Variants in TNIK observed in about 807,000 individuals in gnomAD.
TNIK encodes the protein TRAF2 and NCK-interacting protein kinase.
In TNIK, 49 loss-of-function variants were observed where a neutral mutation model predicts 191.3. The ratio of observed to expected loss-of-function variants is 0.26; its 90% CI spans 0.20 to 0.32. The LOEUF is 0.32. TNIK is among the 10% of genes least tolerant of loss of function. The pLI is 1.00. For missense variants in TNIK, 1,155 were observed against 1,702.3 expected (o/e 0.68, Z 5.66); for synonymous variants, 594 against 600.9 (o/e 0.99, Z 0.17).
chr3:171,266,569 A>C (rs921525445), intron 2 of TNIK, among the ~76,000 whole-genome samples: 1 of 152,150 alleles, frequency 6.6e-6, no homozygotes, highest in African/African-American at 2.4e-5. Flanking sequence ...TTCAGACCTC[A>C]TTATGTCACT....
chr3:171,201,828 G>C (rs1739452240), intron 4 of TNIK, among the ~76,000 whole-genome samples: 1 of 151,472 alleles, frequency 6.6e-6, no homozygotes, highest in Non-Finnish European at 1.5e-5. Flanking sequence ...ATAAACTCTT[G>C]GCTTCTGAAT....
chr3:171,165,097 G>C (rs1303795599), intron 10 of TNIK, among the ~76,000 whole-genome samples: 1 of 152,064 alleles, frequency 6.6e-6, no homozygotes, highest in Non-Finnish European at 1.5e-5. Flanking sequence ...AGACCAGCCT[G>C]GGCAACATAG....
At chr3:171,335,550 C>T (rs1434169553) in intron 2 of TNIK, among the ~76,000 whole-genome samples, 1 of 152,218 alleles carries the variant, frequency 6.6e-6, no homozygotes, top group Non-Finnish European at 1.5e-5. Flanking sequence ...GCTTCTTTCA[C>T]TTAGCATAAC....
At chr3:171,149,335 T>C (rs1478661026) in intron 12 of TNIK, among the ~76,000 whole-genome samples, 1 of 152,202 alleles carries the variant, frequency 6.6e-6, no homozygotes, top group African/African-American at 2.4e-5. Context: ...ACTCCAGGTT[T>C]TTTTTCAGTA....
intron 2 of TNIK, among the ~76,000 whole-genome samples, chr3:171,263,754 G>A (rs1747982623): frequency 6.6e-6 from 1 of 151,906 alleles, no homozygotes; most frequent in Non-Finnish European, 1.5e-5. Context: ...GAGTATGGGA[G>A]GCCAGCCAGG....
intron 1 of TNIK, among the ~76,000 whole-genome samples, chr3:171,415,143 T>C (rs767717938): frequency 2.0e-5 from 3 of 152,212 alleles, no homozygotes; most frequent in African/African-American, 7.2e-5. Flanking sequence ...TGGTTCTCAG[T>C]GCATGGCCTG....
intron 2 of TNIK, among the ~76,000 whole-genome samples, chr3:171,302,983 T>C (rs574090853): frequency 5.3e-5 from 8 of 152,330 alleles, no homozygotes; most frequent in African/African-American, 1.4e-4. Context: ...ATTCAGATTA[T>C]AATGTGCTTA....
chr3:171,397,408 T>G (rs1437996516), intron 1 of TNIK, among the ~76,000 whole-genome samples: 3 of 152,180 alleles, frequency 2.0e-5, no homozygotes, highest in Non-Finnish European at 4.4e-5. Flanking sequence ...TAACACAGTA[T>G]TTCTGAATGT....
intron 12 of TNIK, among the ~76,000 whole-genome samples, chr3:171,155,740 G>C (rs1317443804): frequency 6.6e-6 from 1 of 152,202 alleles, no homozygotes; most frequent in Admixed American, 6.5e-5. Flanking sequence ...CAGATTCTGT[G>C]CCCTTGCGCA....
rs1723579072 is a variant in TNIK at position 171,101,629 on chromosome 3, A to G, written c.2411T>C (p.Leu804Pro). Reference sequence around the variant, plus strand: ...TCTTAGTTCTTTGGCTAATGCCGTCAGATCCTATGAAAGAAAAATTTGTTC... The same window carrying G: ...TCTTAGTTCTTTGGCTAATGCCGTCGGATCCTATGAAAGAAAAATTTGTTC... ...ASYKKAIDED[L>P]TALAKELREL... Residue 804 changes from leucine (L) to proline (P), a missense_variant, in exon 22 of 33, where the codon CTG becomes CCG. Coordinates refer to ENST00000436636, the MANE Select transcript of TNIK (RefSeq NM_015028.4). 4 of 1,612,296 alleles carry G rather than the reference A, an allele frequency of 2.5e-6. No individual in the cohort carries two copies. Among genetic ancestry groups the G allele is most frequent in the Non-Finnish European group, 3.4e-6 (4 of 1,179,120 alleles).
rs78919157 is a variant in TNIK, at chr3:171,411,773, A to G, written c.58-42088T>C. Among the ~76,000 whole-genome samples the G allele has an allele frequency of 3.7e-3, 566 of 152,372 alleles. 4 individuals carry two copies. Among genetic ancestry groups the G allele is most frequent in the African/African-American group, 0.013 (535 of 41,596 alleles). On this transcript the variant is annotated intron_variant, in intron 1 of 32. Transcript: ENST00000436636. The stretch of plus-strand genomic sequence containing the variant: ...TAAAACTGCTCATTAAAGTCAGGCA[A>G]GGAAGACATAGCTCCCGGAAAGCCC...
At chr3:171,356,004 C>T (rs945808290) in intron 2 of TNIK, among the ~76,000 whole-genome samples, 1 of 152,070 alleles carries the variant, frequency 6.6e-6, no homozygotes, top group Admixed American at 6.6e-5. Flanking sequence ...CTTCCCCCTG[C>T]TTGGAATAGA....
intron 10 of TNIK, among the ~76,000 whole-genome samples, chr3:171,166,879 T>A (rs1342234174): frequency 6.6e-6 from 1 of 152,172 alleles, no homozygotes; most frequent in Admixed American, 6.5e-5. Flanking sequence ...CTGGCAGAGG[T>A]AATGTTTCTT....
chr3:171,219,413 C>T (rs955910428), intron 3 of TNIK, among the ~76,000 whole-genome samples: 8 of 149,924 alleles, frequency 5.3e-5, no homozygotes, highest in African/African-American at 2.0e-4. Context: ...CATAATGCAG[C>T]ACCTACTAGG....
At position 171,107,036 on chromosome 3, in the gene TNIK, T is replaced by C. The variant is rs16855841; in HGVS notation, c.2406+147A>G. The C allele has an allele frequency of 7.4e-3, 5,895 of 791,610 alleles. 135 individuals are homozygous for C. The highest frequency in any genetic ancestry group is 0.045 in the African/African-American group (2,540 of 56,418). 49.0% of individuals were successfully genotyped at this position (791,610 alleles called of 1,614,324 possible). ...TTGAGGGTCTTAAAGTTGGCTTCCA[T>C]TTGAAGGGGCACTCCTCCCAGCAGA... On this transcript the variant is annotated intron_variant, in intron 21 of 32. Transcript: ENST00000436636.
Position 171,190,799 on chromosome 3 carries a change from G to T in TNIK, c.418-12C>A. The T allele has an allele frequency of 6.4e-7, 1 of 1,574,640 alleles. No individual in the cohort carries two copies. Among genetic ancestry groups the T allele is most frequent in the South Asian group, 1.2e-5 (1 of 85,822 alleles). Reference sequence around the variant, plus strand: ...AGGTGACTCAGCCCCTGGAGTGATGGAGAGTTAAGAAGGGTTAATAGGAAC... The same window carrying T: ...AGGTGACTCAGCCCCTGGAGTGATGTAGAGTTAAGAAGGGTTAATAGGAAC... On this transcript the variant is annotated splice_polypyrimidine_tract_variant and intron_variant, in intron 5 of 32. Transcript: ENST00000436636.
intron 12 of TNIK, among the ~76,000 whole-genome samples, chr3:171,154,343 A>C (rs1326885007): frequency 6.6e-6 from 1 of 152,128 alleles, no homozygotes; most frequent in East Asian, 1.9e-4. Flanking sequence ...ATAACTGGAC[A>C]ATGTTAGGAT....
intron 12 of TNIK, among the ~76,000 whole-genome samples, chr3:171,144,026 C>T (rs1389742711): frequency 6.6e-6 from 1 of 152,166 alleles, no homozygotes. Context: ...AATCAAATAG[C>T]ATTCCTAGAT....
chr3:171,157,283 A>G (rs372581326), intron 12 of TNIK, among the ~76,000 whole-genome samples, 177 bp downstream of exon 12: 23 of 152,330 alleles, frequency 1.5e-4, no homozygotes, highest in African/African-American at 5.5e-4. Flanking sequence ...CACCACAAAA[A>G]GCAAGGGAAG....
Sources: allele counts gnomAD v4.1 joint callset (sites outside exome capture counted in the v4.1 genomes callset), GRCh38; gene constraint gnomAD v4.1.1; transcripts MANE v1.5; gene names NCBI Gene and HGNC (gene_info 2026-07-23, HGNC 2026-07-21).